Variants in CSMD1 observed in about 807,000 individuals in gnomAD.
The protein encoded by CSMD1 is CUB and Sushi multiple domains 1.
CSMD1 carries 213 observed loss-of-function variants against 417.5 expected under a neutral mutation model. The observed-to-expected ratio is 0.51, with a 90% CI of 0.46 to 0.57. CSMD1 has a LOEUF of 0.57. CSMD1 is among the 20% of genes least tolerant of loss of function. CSMD1 has a pLI of 0.00. For synonymous variants in CSMD1, 2,862 were observed against 1,736.8 expected (o/e 1.65, Z -16.11); for missense variants, 6,923 against 4,529.7 (o/e 1.53, Z -15.17).
intron 1 of CSMD1, among the ~76,000 whole-genome samples, chr8:4,765,088 C>G (rs17419135): frequency 6.6e-6 from 1 of 151,864 alleles, no homozygotes. Context: ...AGGTATGCAA[C>G]GCATGGGCTC....
At chr8:4,298,474 A>G (rs1176334529) in intron 3 of CSMD1, among the ~76,000 whole-genome samples, 1 of 152,122 alleles carries the variant, frequency 6.6e-6, no homozygotes, top group Non-Finnish European at 1.5e-5. Flanking sequence ...AGTGAGTACA[A>G]TGTATATTAT....
intron 1 of CSMD1, among the ~76,000 whole-genome samples, chr8:4,733,924 C>T (rs751636850): frequency 7.9e-5 from 12 of 152,110 alleles, no homozygotes; most frequent in Non-Finnish European, 1.3e-4. Context: ...ACAAGGATAG[C>T]ATTTATGGTA....
chr8:3,566,460 C>A (rs13259953), intron 10 of CSMD1, among the ~76,000 whole-genome samples: 3 of 151,820 alleles, frequency 2.0e-5, no homozygotes, highest in Admixed American at 6.6e-5. Context: ...CGTACCGCTC[C>A]TCCTGCACCT....
chr8:3,803,501 C>A (rs1335857820), intron 5 of CSMD1, among the ~76,000 whole-genome samples: 1 of 152,122 alleles, frequency 6.6e-6, no homozygotes. Flanking sequence ...ACAAGAAGAG[C>A]CCATGCACAG....
chr8:4,253,759 A>G (rs1385892120), intron 3 of CSMD1, among the ~76,000 whole-genome samples: 1 of 151,608 alleles, frequency 6.6e-6, no homozygotes, highest in East Asian at 1.9e-4. Context: ...ATATACTTGA[A>G]AAAAAAAACA....
At chr8:4,189,051 G>T (rs547469763) in intron 3 of CSMD1, among the ~76,000 whole-genome samples, 1 of 152,260 alleles carries the variant, frequency 6.6e-6, no homozygotes, top group Admixed American at 6.5e-5. Flanking sequence ...GGTTTTATTT[G>T]TTATAAGAGT....
Position 4,842,747 on chromosome 8 carries a change from A to G in CSMD1, c.85+151585T>C, listed in dbSNP as rs567378721. ...AAAGAGTTTTTGAATGTTATTTATT[A>G]TGCTAGCATTGAAAAGCAGAAATTA... On this transcript the variant is annotated intron_variant, in intron 1 of 69. Transcript: ENST00000635120. Among the ~76,000 whole-genome samples the G allele has an allele frequency of 3.3e-5, 5 of 152,352 alleles. No individual in the cohort carries two copies. The South Asian group carries it at 1.0e-3, about 32-fold the overall frequency.
intron 3 of CSMD1, among the ~76,000 whole-genome samples, chr8:4,119,275 C>A (rs1271393719): frequency 2.0e-5 from 3 of 151,956 alleles, no homozygotes; most frequent in Non-Finnish European, 4.4e-5. Context: ...AAAATAGAAA[C>A]AAATGGAAAC....
chr8:3,483,938 C>T (rs1319698935), intron 11 of CSMD1, among the ~76,000 whole-genome samples: 1 of 152,174 alleles, frequency 6.6e-6, no homozygotes, highest in African/African-American at 2.4e-5. Context: ...ATTCACAGGA[C>T]ACATAGTGTT....
intron 5 of CSMD1, among the ~76,000 whole-genome samples, chr8:3,918,321 C>G (rs1477584825): frequency 6.6e-6 from 1 of 152,030 alleles, no homozygotes. Flanking sequence ...TTCCTACCAC[C>G]AGTGTACAGA....
rs575618655 is a variant in CSMD1, at chr8:4,571,233, T to C, written c.302+66109A>G. 2.6e-5 allele frequency among the ~76,000 whole-genome samples: 4 copies of C among 152,336 alleles called. No homozygotes were observed. In the South Asian group the frequency reaches 8.3e-4, roughly 32 times the overall value. On this transcript the variant is annotated intron_variant, in intron 2 of 69. Coordinates refer to ENST00000635120, the MANE Select transcript of CSMD1 (RefSeq NM_033225.6). The stretch of plus-strand genomic sequence containing the variant: ...TCTCTAGTTCTTTCAGTTGTGATGT[T>C]AGGGCATCGATTTTGGATCTTTCCT...
At chr8:3,734,386 T>G (rs1216532492) in intron 6 of CSMD1, among the ~76,000 whole-genome samples, 14 of 152,196 alleles carry the variant, frequency 9.2e-5, no homozygotes, top group Non-Finnish European at 2.9e-5. Context: ...TGCTTCTGCC[T>G]GGAAGCATTG....
At chr8:4,761,899 CTAT>C (rs1563319523) in intron 1 of CSMD1, among the ~76,000 whole-genome samples, 9 of 80,202 alleles carry the variant, frequency 1.1e-4, no homozygotes, top group African/African-American at 4.2e-4. Context: ...ACCTACCTAT[CTAT>C]CTATCTATCA....
intron 1 of CSMD1, among the ~76,000 whole-genome samples, chr8:4,755,563 AATT>A (rs1323846599): frequency 6.6e-6 from 1 of 152,090 alleles, no homozygotes; most frequent in Non-Finnish European, 1.5e-5. Context: ...TATTTGATGT[AATT>A]TTTTGATGTT....
chr8:3,444,079 A>C (rs1277833763), intron 12 of CSMD1, among the ~76,000 whole-genome samples: 2 of 152,170 alleles, frequency 1.3e-5, no homozygotes, highest in Non-Finnish European at 2.9e-5. Flanking sequence ...ATACACACAC[A>C]CACGCACATA....
rs567824876 is a variant in CSMD1, at chr8:4,004,559, T to C, written c.611-6449A>G. On this transcript the variant is annotated intron_variant, in intron 4 of 69. Transcript: ENST00000635120. ...GAAGTAGTATTTTTAGCAACCTAAT[T>C]TGGTATTATAAACAAAACATATTTA... Among the ~76,000 whole-genome samples the C allele has an allele frequency of 3.3e-5, 5 of 152,136 alleles. No individual in the cohort carries two copies. In the South Asian group the frequency reaches 1.0e-3, roughly 32 times the overall value.
At chr8:4,442,630 T>A (rs1318210368) in intron 2 of CSMD1, among the ~76,000 whole-genome samples, 1 of 152,230 alleles carries the variant, frequency 6.6e-6, no homozygotes, top group Non-Finnish European at 1.5e-5. Context: ...CCCTCTGGAT[T>A]GCTGGGGATT....
At chr8:3,433,346 C>T (rs990651010) in intron 12 of CSMD1, among the ~76,000 whole-genome samples, 1 of 152,126 alleles carries the variant, frequency 6.6e-6, no homozygotes, top group South Asian at 2.1e-4. Context: ...TGTTTTTCTG[C>T]AAATATTTTC....
At chr8:4,167,291 C>T (rs935342100) in intron 3 of CSMD1, among the ~76,000 whole-genome samples, 2 of 152,070 alleles carry the variant, frequency 1.3e-5, no homozygotes, top group Admixed American at 1.3e-4. Flanking sequence ...AAATTCGTGT[C>T]TATAACAGAA....
Sources: allele counts gnomAD v4.1 joint callset (sites outside exome capture counted in the v4.1 genomes callset), GRCh38; gene constraint gnomAD v4.1.1; transcripts MANE v1.5; gene names NCBI Gene and HGNC (gene_info 2026-07-23, HGNC 2026-07-21).